The following RFX8 variants were observed in gnomAD, a reference collection of about 807,000 sequenced individuals.
RFX8 encodes DNA-binding protein RFX8.
Under a neutral mutation model 54.6 loss-of-function variants are expected in RFX8, and 46 were observed. The observed-to-expected ratio is 0.84, with a 90% confidence interval of 0.67 to 1.08. RFX8 has a LOEUF of 1.08. Ranked by LOEUF, RFX8 falls within the 50% of genes least tolerant of loss-of-function variation. The pLI, the probability that RFX8 is intolerant of heterozygous loss-of-function variation, is 0.00. For missense variants in RFX8, 536 were observed against 562.3 expected (o/e 0.95, Z 0.47); for synonymous variants, 192 against 209.5 (o/e 0.92, Z 0.72).
intron 1 of RFX8, among the ~76,000 whole-genome samples, chr2:101,470,758 C>T (rs1406600305): frequency 8.0e-6 from 1 of 125,294 alleles, no homozygotes; most frequent in Non-Finnish European, 1.6e-5. Context: ...CTCACTCTGT[C>T]ACCCAGGCTG....
chr2:101,431,137 TCCATCCATCCAA>T lies in RFX8; in HGVS notation c.73-8677_73-8666del, dbSNP rs1558863564. On this transcript the variant is annotated intron_variant, in intron 2 of 11. Transcript: ENST00000428343. ...ATCCATCCATCCATCCAACCAACCA[TCCATCCATCCAA>T]CCATCATCAATCCATCTCTCATTCA... is the stretch of plus-strand genomic sequence containing the variant. Among the ~76,000 whole-genome samples, 38 of 142,724 alleles carry T rather than the reference TCCATCCATCCAA, an allele frequency of 2.7e-4. 1 individual carries two copies. In the East Asian group the frequency reaches 4.0e-3, roughly 15 times the overall value. The allele number at this position is 142,724 out of a possible 152,430, so 93.6% of individuals were successfully genotyped here. A position where few individuals can be genotyped will look rare whatever the true frequency, so the allele number is the denominator to read the frequency against.
intron 2 of RFX8, among the ~76,000 whole-genome samples, chr2:101,424,367 A>C (rs1296685299): frequency 1.3e-5 from 2 of 152,228 alleles, no homozygotes; most frequent in Non-Finnish European, 2.9e-5. Context: ...GTCAGGAAAC[A>C]ACAGGTGCTG....
intron 1 of RFX8, among the ~76,000 whole-genome samples, chr2:101,471,652 C>A (rs1365603554): frequency 1.3e-5 from 2 of 152,156 alleles, no homozygotes; most frequent in Non-Finnish European, 1.5e-5. Flanking sequence ...TTCTTCATTC[C>A]TTTGTGCTCC....
intron 2 of RFX8, chr2:101,452,356 T>C (rs969160656): frequency 3.1e-6 from 4 of 1,299,932 alleles, no homozygotes; most frequent in Non-Finnish European, 4.1e-6. Flanking sequence ...TTTTTAACAT[T>C]TGAAATAAAA....
chr2:101,444,192 C>T (rs1391180669), intron 2 of RFX8, among the ~76,000 whole-genome samples: 1 of 152,232 alleles, frequency 6.6e-6, no homozygotes, highest in Non-Finnish European at 1.5e-5. Context: ...TCTCCCCACT[C>T]TCCACAGAAA....
rs534886462 is a variant in RFX8, at chr2:101,442,377, C to T, written c.73-19905G>A. ...CCAACATTCCTTCTATTATCATTTC[C>T]TTTCTCTTTGAAAAACTTTCTTTAG... On this transcript the variant is annotated intron_variant, in intron 2 of 11. Coordinates refer to ENST00000428343, the MANE Select transcript of RFX8 (RefSeq NM_001145664.2). 2.6e-5 allele frequency among the ~76,000 whole-genome samples: 4 copies of T among 152,244 alleles called. No individual in the cohort carries two copies. In the East Asian group the frequency reaches 5.8e-4, roughly 22 times the overall value.
intron 2 of RFX8, among the ~76,000 whole-genome samples, chr2:101,435,701 T>C (rs1402198672): frequency 6.6e-6 from 1 of 152,110 alleles, no homozygotes; most frequent in East Asian, 1.9e-4. Context: ...GGTTGCCAAC[T>C]AAACGGGATT....
intron 2 of RFX8, among the ~76,000 whole-genome samples, chr2:101,429,876 G>A (rs1308953707): frequency 3.3e-5 from 5 of 152,190 alleles, no homozygotes; most frequent in Admixed American, 2.0e-4. Context: ...GAGTCAGAGG[G>A]GAGGTAGAGG....
At chr2:101,464,179 C>T (rs1377392250) in intron 2 of RFX8, among the ~76,000 whole-genome samples, 8 of 152,190 alleles carry the variant, frequency 5.3e-5, no homozygotes, top group African/African-American at 1.9e-4. Flanking sequence ...ACTACACACA[C>T]GGGCCTATAT....
intron 2 of RFX8, among the ~76,000 whole-genome samples, chr2:101,426,928 C>T (rs1687205602): frequency 6.6e-6 from 1 of 152,146 alleles, no homozygotes; most frequent in African/African-American, 2.4e-5. Context: ...TTGATGGTGC[C>T]CCACGGTCTC....
At position 101,404,805 on chromosome 2, in the gene RFX8, T is replaced by A. The variant is rs141302151; in HGVS notation, c.928+1138A>T. Among the ~76,000 whole-genome samples the A allele has an allele frequency of 7.9e-5, 12 of 152,114 alleles. No homozygotes were observed. In the East Asian group the frequency reaches 2.3e-3, roughly 29 times the overall value. ...GAAAGAGCAGGAGCATAAAGCAGAG[T>A]CAGTTTGGACTTCAGTGAAGGGAAG... On this transcript the variant is annotated intron_variant, in intron 10 of 11. Transcript: ENST00000428343.
At position 101,414,862 on chromosome 2, in the gene RFX8, TG is replaced by T. The variant is rs1170448057; in HGVS notation, c.552del (p.Asn184LysfsTer10). 6.5e-7 allele frequency: 1 copy of T among 1,550,082 alleles called. No homozygotes were observed. The highest frequency in any genetic ancestry group is 2.4e-5 in the East Asian group (1 of 40,872). The stretch of plus-strand genomic sequence containing the variant: ...GCTTGGCTGAAGCCTACCTTAGCCA[TG>T]TTGGAAAGGTACGTCTTTCTTCTTA... ...KRLRRKTYLS[N>X]MAKTMRMVLK... On this transcript the variant is annotated frameshift_variant, in exon 7 of 12. Coordinates refer to ENST00000428343, the MANE Select transcript of RFX8 (RefSeq NM_001145664.2). LOFTEE classifies it high-confidence loss of function.
intron 2 of RFX8, among the ~76,000 whole-genome samples, chr2:101,464,158 T>G (rs778762055): frequency 6.6e-6 from 1 of 152,202 alleles, no homozygotes; most frequent in Admixed American, 6.5e-5. Context: ...AGTGTGCATG[T>G]CTGCAAATGA....
At chr2:101,421,099 G>C (rs1314338596) in intron 4 of RFX8, 1 of 226,652 alleles carries the variant, frequency 4.4e-6, no homozygotes, top group African/African-American at 2.3e-5. Context: ...TTTACGCCGA[G>C]TAGGTAGTAA....
intron 8 of RFX8, among the ~76,000 whole-genome samples, chr2:101,412,469 T>C (rs1686194750): frequency 6.6e-6 from 1 of 152,224 alleles, no homozygotes; most frequent in Non-Finnish European, 1.5e-5. Context: ...ATTGTTAAAC[T>C]TCACATTGCA....
chr2:101,432,081 G>A (rs537432263), intron 2 of RFX8, among the ~76,000 whole-genome samples: 5 of 152,188 alleles, frequency 3.3e-5, no homozygotes, highest in South Asian at 2.1e-4. Context: ...CTACCTGGCC[G>A]GACAAAGACA....
At chr2:101,408,536 G>A (rs935773210) in intron 9 of RFX8, among the ~76,000 whole-genome samples, 1 of 151,594 alleles carries the variant, frequency 6.6e-6, no homozygotes, top group African/African-American at 2.4e-5. Context: ...TCCACTTAAC[G>A]AACAGACAAT....
chr2:101,409,650 C>T (rs1169683784), intron 9 of RFX8, among the ~76,000 whole-genome samples: 1 of 152,132 alleles, frequency 6.6e-6, no homozygotes, highest in East Asian at 1.9e-4. Context: ...CAGGTGCGTG[C>T]CACCATGCCC....
At chr2:101,474,177 G>T (rs775541326) in intron 1 of RFX8, 1 of 624,600 alleles carries the variant, frequency 1.6e-6, no homozygotes, top group Middle Eastern at 3.4e-4. Flanking sequence ...CTCCATCCCA[G>T]CGTCCCAGGC....
Sources: gnomAD v4.1 joint callset for allele counts (sites outside exome capture counted in the v4.1 genomes callset) on GRCh38, gnomAD v4.1.1 for gene constraint, MANE v1.5 for transcripts, NCBI Gene and HGNC (gene_info 2026-07-23, HGNC 2026-07-21) for gene names.